Variants in FAM184B observed in about 807,000 individuals in gnomAD.
FAM184B encodes the protein protein FAM184B.
Under a neutral mutation model 135.9 loss-of-function variants are expected in FAM184B, and 111 were observed. The ratio of observed to expected loss-of-function variants is 0.82; its 90% CI spans 0.70 to 0.96. FAM184B has a LOEUF of 0.96. Among genes scored for constraint, FAM184B ranks in the 40% least tolerant of loss-of-function variants. The probability of loss-of-function intolerance (pLI) is 0.00; values close to 1 mark genes in which losing one functional copy is unlikely to be tolerated. For missense variants in FAM184B, 1,375 were observed against 1,323.9 expected (o/e 1.04, Z -0.60); for synonymous variants, 552 against 524.8 (o/e 1.05, Z -0.71).
intron 11 of FAM184B, among the ~76,000 whole-genome samples, chr4:17,652,219 G>C (rs1309555606): frequency 6.9e-6 from 1 of 145,316 alleles, no homozygotes; most frequent in Non-Finnish European, 1.5e-5. Context: ...CTGCCTCCCG[G>C]GTTCACGCCA....
At chr4:17,641,061 G>T (rs1715295693) in intron 13 of FAM184B, among the ~76,000 whole-genome samples, 1 of 152,104 alleles carries the variant, frequency 6.6e-6, no homozygotes, top group African/African-American at 2.4e-5. Context: ...AACCTCCCGA[G>T]TAGCCGGGAC....
At chr4:17,690,675 C>A (rs1354088557) in intron 6 of FAM184B, among the ~76,000 whole-genome samples, 1 of 152,154 alleles carries the variant, frequency 6.6e-6, no homozygotes, top group Non-Finnish European at 1.5e-5. Context: ...GCTTAAACTG[C>A]GTCTTGCTAA....
At chr4:17,664,226 C>T (rs1715991979) in intron 8 of FAM184B, among the ~76,000 whole-genome samples, 1 of 152,146 alleles carries the variant, frequency 6.6e-6, no homozygotes, top group African/African-American at 2.4e-5. Context: ...CACAAAGCTT[C>T]CTTATACCCC....
chr4:17,693,330 T>A lies in FAM184B; in HGVS notation c.1460A>T (p.Asn487Ile). The A allele has an allele frequency of 1.3e-6, 2 of 1,551,632 alleles. No individual in the cohort carries two copies. Among genetic ancestry groups the A allele is most frequent in the Non-Finnish European group, 8.7e-7 (1 of 1,146,920 alleles). The change falls in exon 6 of 18, where the codon AAT (asparagine) becomes ATT (isoleucine). Residue 487 changes from asparagine to isoleucine, a missense_variant. By Grantham distance (149) the Asn-to-Ile change is moderately radical. Transcript: ENST00000265018. ...KQLEEEKAAL[N>I]VKLQNSLLEV... ...AAGCAGAGAATTCTGAAGCTTCACATTGAGGGCTGCTTTCTCTTCTTCCAG... is the reference window on the plus strand; with the variant it reads ...AAGCAGAGAATTCTGAAGCTTCACAATGAGGGCTGCTTTCTCTTCTTCCAG...
At chr4:17,714,418 G>A (rs1030069883) in intron 1 of FAM184B, among the ~76,000 whole-genome samples, 1 of 152,126 alleles carries the variant, frequency 6.6e-6, no homozygotes, top group African/African-American at 2.4e-5. Flanking sequence ...AGAGGCCTTA[G>A]AGGAAGGCAG....
Position 17,707,688 on chromosome 4 carries a change from T to G in FAM184B, c.991A>C (p.Arg331=). 2 of 1,551,850 alleles carry G rather than the reference T, an allele frequency of 1.3e-6. No individual in the cohort carries two copies. Among genetic ancestry groups the G allele is most frequent in the Non-Finnish European group, 1.7e-6 (2 of 1,147,034 alleles). The change falls in exon 3 of 18, where the codon AGA becomes CGA. Residue 331 remains arginine (R), a synonymous_variant. Transcript: ENST00000265018. ...CCACGACACTCCTGCAGCATCATTC[T>G]GTCTTTGGCAACAGCCAGCTTCTCC... ...LGEKLAVAKD[R]MMLQECRGTQ...
chr4:17,779,768 G>A (rs925185139), intron 1 of FAM184B, among the ~76,000 whole-genome samples: 6 of 152,042 alleles, frequency 3.9e-5, no homozygotes, highest in African/African-American at 1.4e-4. Context: ...ACTCGTAATT[G>A]GAAACACCCA....
At chr4:17,727,622 C>T (rs1717671416) in intron 1 of FAM184B, among the ~76,000 whole-genome samples, 1 of 152,094 alleles carries the variant, frequency 6.6e-6, no homozygotes, top group African/African-American at 2.4e-5. Flanking sequence ...GGGGAAATTG[C>T]CACTTTTAAA....
chr4:17,644,737 C>T (rs1036459794), intron 12 of FAM184B, among the ~76,000 whole-genome samples: 18 of 152,068 alleles, frequency 1.2e-4, no homozygotes, highest in African/African-American at 3.9e-4. Flanking sequence ...GTTCTGGCCA[C>T]GGTAATCAGG....
At chr4:17,760,630 G>T (rs1185650556) in intron 1 of FAM184B, among the ~76,000 whole-genome samples, 1 of 152,116 alleles carries the variant, frequency 6.6e-6, no homozygotes, top group Non-Finnish European at 1.5e-5. Context: ...CTAGGACACA[G>T]CCTATCCATA....
At chr4:17,647,906 G>T (rs41268401) in intron 11 of FAM184B, 115 bp from the exon 12 acceptor site, 17,640 of 1,226,108 alleles carry the variant, frequency 0.014, 176 homozygotes, top group African/African-American at 0.018. Context: ...CTGAAGGCTT[G>T]TGGTGGGTTA....
Position 17,636,626 on chromosome 4 carries a change from T to G in FAM184B, c.2686A>C (p.Lys896Gln), listed in dbSNP as rs1401670666. 1 of 1,549,884 alleles carries G rather than the reference T, an allele frequency of 6.5e-7. No homozygotes were observed. The highest frequency in any genetic ancestry group is 2.4e-5 in the East Asian group (1 of 40,882). ...LEAELKDSGE[K>Q]PGKGASRPED... ...GGCCTGGACGCTCCCTTCCCTGGCT[T>G]CTCTCCGGAATCTTTCAGTCTGTTC... The change falls in exon 15 of 18, where the codon AAG becomes CAG. Residue 896 changes from lysine (K) to glutamine (Q), a missense_variant. Transcript: ENST00000265018.
At position 17,781,018 on chromosome 4, in the gene FAM184B, A is replaced by G; in HGVS notation, c.141+141T>C. ...GAAGGTCAAGTCACCCAGATTTAGG[A>G]CCGCTTCCCTTCCCGGTTGGCCTCC... On this transcript the variant is annotated intron_variant, in intron 1 of 17. Coordinates refer to ENST00000265018, the MANE Select transcript of FAM184B (RefSeq NM_015688.2). The surrounding 1 kb of genome is among the most constrained non-coding windows in gnomAD (Gnocchi z 6.5). 9.4e-7 allele frequency: 1 copy of G among 1,068,820 alleles called. No homozygotes were observed. The highest frequency in any genetic ancestry group is 2.9e-5 in the East Asian group (1 of 34,896). The allele number at this position is 1,068,820 out of a possible 1,614,324, so 66.2% of individuals were successfully genotyped here.
intron 1 of FAM184B, among the ~76,000 whole-genome samples, chr4:17,714,022 A>T (rs1030869036): frequency 5.9e-5 from 9 of 152,172 alleles, no homozygotes; most frequent in Non-Finnish European, 1.2e-4. Context: ...TTGCCTCCTC[A>T]TCCTTGGGGT....
intron 17 of FAM184B, 37 bp downstream of exon 17, chr4:17,633,652 A>C (rs1016629489): frequency 1.2e-5 from 17 of 1,435,752 alleles, no homozygotes; most frequent in African/African-American, 1.5e-5. Context: ...CTACAGGGAA[A>C]TAGAATAAGG....
Position 17,642,207 on chromosome 4 carries a change from C to A in FAM184B, c.2368G>T (p.Ala790Ser). 6.6e-7 allele frequency: 1 copy of A among 1,514,736 alleles called. No individual in the cohort carries two copies. The highest frequency in any genetic ancestry group is 8.8e-7 in the Non-Finnish European group (1 of 1,138,762). The allele number at this position is 1,514,736 out of a possible 1,614,324, so 93.8% of individuals were successfully genotyped here. A position where few individuals can be genotyped will look rare whatever the true frequency, so the allele number is the denominator to read the frequency against. ...CCAGCAGCGCCCGGTGGGGAGCCGG[C>A]CTGGCCCGGGCCGCCCCGCTCCTGA... is the stretch of plus-strand genomic sequence containing the variant. ...ATEERGGPGQ[A>S]GSPPGAAGQG... The change falls in exon 13 of 18, where the codon GCC becomes TCC. Residue 790 changes from alanine (A) to serine (S), a missense_variant. By Grantham distance (99) the Ala-to-Ser change is moderately conservative. Transcript: ENST00000265018.
intron 7 of FAM184B, among the ~76,000 whole-genome samples, chr4:17,682,864 C>T (rs1036017668): frequency 6.6e-6 from 1 of 152,174 alleles, no homozygotes; most frequent in African/African-American, 2.4e-5. Flanking sequence ...ACTGAAACCC[C>T]TGAGTCTTGA....
At chr4:17,756,645 T>A (rs1290269173) in intron 1 of FAM184B, among the ~76,000 whole-genome samples, 1 of 152,098 alleles carries the variant, frequency 6.6e-6, no homozygotes, top group African/African-American at 2.4e-5. Flanking sequence ...GAAGATGGGG[T>A]TGGAGACAGT....
intron 1 of FAM184B, among the ~76,000 whole-genome samples, chr4:17,737,072 G>A (rs1577283464): frequency 6.6e-6 from 1 of 152,160 alleles, no homozygotes; most frequent in East Asian, 1.9e-4. Flanking sequence ...TTAAACCCAG[G>A]GGCGGAGGTT....
Sources: allele counts gnomAD v4.1 joint callset (sites outside exome capture counted in the v4.1 genomes callset), GRCh38; gene constraint gnomAD v4.1.1; non-coding constraint Gnocchi (gnomAD v3.1); transcripts MANE v1.5; gene names NCBI Gene and HGNC (gene_info 2026-07-23, HGNC 2026-07-21).